RGS22: variants seen among roughly 807,000 people sequenced by gnomAD.
The protein encoded by RGS22 is regulator of G-protein signaling 22.
Under a neutral mutation model 172.9 loss-of-function variants are expected in RGS22, and 148 were observed. The ratio of observed to expected loss-of-function variants is 0.86; its 90% CI spans 0.75 to 0.98. The LOEUF (loss-of-function observed/expected upper bound fraction) is 0.98, where lower values mean the gene tolerates loss of function less well. Ranked by LOEUF, RGS22 falls within the 50% of genes least tolerant of loss-of-function variation. The pLI, the probability that RGS22 is intolerant of heterozygous loss-of-function variation, is 0.00. For missense variants in RGS22, 1,347 were observed against 1,440.8 expected (o/e 0.93, Z 1.05); for synonymous variants, 458 against 480.2 (o/e 0.95, Z 0.60).
intron 14 of RGS22, among the ~76,000 whole-genome samples, chr8:100,016,132 C>T (rs143649030): frequency 2.2e-4 from 34 of 152,232 alleles, no homozygotes; most frequent in African/African-American, 6.0e-4. Flanking sequence ...CTGAAAATAA[C>T]GCAAAGAAAA....
In RGS22 at chr8:99,993,288, G is replaced by C. The variant is rs1357881227; in HGVS notation, c.3018+3174C>G. On this transcript the variant is annotated intron_variant, in intron 20 of 27. Coordinates refer to ENST00000360863, the MANE Select transcript of RGS22 (RefSeq NM_015668.5). ...GATCAGAGCAGAACTGAAAGAGATA[G>C]AGACACAAAAAACCCTTCAAAAAAA... Among the ~76,000 whole-genome samples the C allele has an allele frequency of 3.3e-5, 5 of 152,214 alleles. No homozygotes were observed. In the East Asian group the frequency reaches 5.8e-4, roughly 18 times the overall value.
chr8:100,012,227 T>A (rs1161059386), intron 14 of RGS22, among the ~76,000 whole-genome samples: 2 of 152,042 alleles, frequency 1.3e-5, no homozygotes, highest in Admixed American at 1.3e-4. Flanking sequence ...ATCAGGGTAG[T>A]GATACAGTAA....
At chr8:100,026,289 G>A (rs2131498599) in intron 14 of RGS22, among the ~76,000 whole-genome samples, 1 of 152,252 alleles carries the variant, frequency 6.6e-6, no homozygotes, top group Admixed American at 6.5e-5. Flanking sequence ...AATGACCTAG[G>A]GCCAGAGAGG....
intron 10 of RGS22, among the ~76,000 whole-genome samples, chr8:100,049,781 C>T (rs1821088382): frequency 6.6e-6 from 1 of 152,120 alleles, no homozygotes; most frequent in Admixed American, 6.6e-5. Context: ...GGCGTGGTGG[C>T]TCAAGCCTGT....
chr8:99,974,821 A>G (rs1339105828), intron 23 of RGS22, among the ~76,000 whole-genome samples: 1 of 151,572 alleles, frequency 6.6e-6, no homozygotes, highest in Non-Finnish European at 1.5e-5. Context: ...GGATATAATT[A>G]TGTAAAACAA....
intron 14 of RGS22, among the ~76,000 whole-genome samples, chr8:100,038,275 C>T (rs1758142606): frequency 6.6e-6 from 1 of 152,012 alleles, no homozygotes; most frequent in African/African-American, 2.4e-5. Context: ...TTTCTTCTTC[C>T]CCACAAAAGA....
At chr8:100,037,134 T>C (rs1051433793) in intron 14 of RGS22, among the ~76,000 whole-genome samples, 2 of 152,028 alleles carry the variant, frequency 1.3e-5, no homozygotes, top group Non-Finnish European at 2.9e-5. Context: ...CAATTGCTCC[T>C]GTAACCAAAA....
chr8:99,991,913 A>T (rs956377999), intron 20 of RGS22, among the ~76,000 whole-genome samples: 1 of 152,192 alleles, frequency 6.6e-6, no homozygotes, highest in Non-Finnish European at 1.5e-5. Context: ...CTAACAGCAG[A>T]TCTCTTGGCA....
intron 9 of RGS22, among the ~76,000 whole-genome samples, chr8:100,060,419 T>C (rs1195565500): frequency 1.4e-4 from 18 of 128,080 alleles, no homozygotes; most frequent in African/African-American, 4.2e-4. Context: ...TATATATATA[T>C]ATACACACAC....
chr8:99,986,409 T>C (rs1293222985), intron 21 of RGS22, among the ~76,000 whole-genome samples: 2 of 152,224 alleles, frequency 1.3e-5, no homozygotes, highest in African/African-American at 2.4e-5. Context: ...TATATAGTTA[T>C]AGGCCATTTG....
intron 2 of RGS22, among the ~76,000 whole-genome samples, chr8:100,096,812 T>C (rs1367883487): frequency 6.6e-6 from 1 of 151,514 alleles, no homozygotes. Flanking sequence ...CCCAGCCTAA[T>C]TTCTTTACAA....
intron 9 of RGS22, among the ~76,000 whole-genome samples, chr8:100,060,417 T>C (rs1586167838): frequency 2.3e-5 from 3 of 131,106 alleles, no homozygotes; most frequent in African/African-American, 8.0e-5. Flanking sequence ...TATATATATA[T>C]ATATACACAC....
chr8:99,998,973 T>C (rs1167097496), intron 19 of RGS22, among the ~76,000 whole-genome samples: 20 of 152,200 alleles, frequency 1.3e-4, no homozygotes, highest in Admixed American at 1.2e-3. Context: ...CCTGGGCACA[T>C]AGCAAGACTC....
intron 5 of RGS22, 24 bp from the exon 6 acceptor site, chr8:100,071,561 T>C (rs1253284171): frequency 1.3e-6 from 2 of 1,572,998 alleles, no homozygotes; most frequent in Non-Finnish European, 1.7e-6. Flanking sequence ...ATCATACAAA[T>C]TTAAAACAAG....
intron 7 of RGS22, among the ~76,000 whole-genome samples, 174 bp from the exon 8 acceptor site, chr8:100,064,217 C>T (rs1309053419): frequency 6.6e-6 from 1 of 152,126 alleles, no homozygotes; most frequent in African/African-American, 2.4e-5. Context: ...CCTGTCATCC[C>T]AGCACTTTGG....
intron 23 of RGS22, among the ~76,000 whole-genome samples, chr8:99,970,378 A>T (rs961863670): frequency 6.6e-6 from 1 of 152,214 alleles, no homozygotes; most frequent in African/African-American, 2.4e-5. Context: ...GAAATAACTA[A>T]GATCAGAGCA....
intron 22 of RGS22, among the ~76,000 whole-genome samples, chr8:99,978,694 G>A (rs533344739): frequency 1.8e-4 from 28 of 152,310 alleles, no homozygotes; most frequent in Non-Finnish European, 3.4e-4. Context: ...GTGATTAATT[G>A]TGATATTTAT....
At chr8:100,065,906 A>G (rs1810502629) in intron 7 of RGS22, among the ~76,000 whole-genome samples, 1 of 152,218 alleles carries the variant, frequency 6.6e-6, no homozygotes, top group Non-Finnish European at 1.5e-5. Context: ...CTAATCTTAC[A>G]GATGAGAAAA....
intron 23 of RGS22, among the ~76,000 whole-genome samples, chr8:99,974,372 A>C (rs1811695544): frequency 6.6e-6 from 1 of 152,224 alleles, no homozygotes; most frequent in African/African-American, 2.4e-5. Flanking sequence ...TGTTTGGTTA[A>C]ATAACCCATG....
Sources: gnomAD v4.1 joint callset for allele counts (sites outside exome capture counted in the v4.1 genomes callset) on GRCh38, gnomAD v4.1.1 for gene constraint, MANE v1.5 for transcripts, NCBI Gene and HGNC (gene_info 2026-07-23, HGNC 2026-07-21) for gene names.